MITF: variants seen among roughly 807,000 people sequenced by gnomAD.
MITF encodes microphthalmia-associated transcription factor.
In MITF, 17 loss-of-function variants were observed where a neutral mutation model predicts 60.5. The ratio of observed to expected loss-of-function variants is 0.28; its 90% CI spans 0.19 to 0.42. The LOEUF (loss-of-function observed/expected upper bound fraction) is 0.42. Among genes scored for constraint, MITF ranks in the 10% least tolerant of loss-of-function variants. The pLI is 1.00. For synonymous variants in MITF, 260 were observed against 248.5 expected, an observed-to-expected ratio of 1.05 and a Z score of -0.43; for missense variants, 622 against 683.5, an observed-to-expected ratio of 0.91 and a Z score of 1.00.
At chr3:69,805,086 C>T in intron 1 of MITF, among the ~76,000 whole-genome samples, 1 of 152,166 alleles carries the variant, frequency 6.6e-6, no homozygotes, top group South Asian at 2.1e-4. Context: ...AAACAAGAAC[C>T]AAGTCTACAA....
At chr3:69,917,668 A>G (rs2065366662) in intron 2 of MITF, among the ~76,000 whole-genome samples, 1 of 152,146 alleles carries the variant, frequency 6.6e-6, no homozygotes, top group African/African-American at 2.4e-5. Flanking sequence ...ACAACATGTA[A>G]AGAGTCAAGA....
At chr3:69,914,497 C>T (rs550719642) in intron 2 of MITF, among the ~76,000 whole-genome samples, 1 of 152,260 alleles carries the variant, frequency 6.6e-6, no homozygotes, top group African/African-American at 2.4e-5. Flanking sequence ...TGGGAAAACT[C>T]CCCAGGAGAT....
At chr3:69,938,412 A>G (rs985845753) in intron 3 of MITF, 3 of 1,552,128 alleles carry the variant, frequency 1.9e-6, no homozygotes, top group African/African-American at 2.7e-5. Flanking sequence ...AAAAGCAAAA[A>G]TAGAAGAGGT....
intron 1 of MITF, among the ~76,000 whole-genome samples, chr3:69,824,372 C>T (rs2063322842): frequency 6.6e-6 from 1 of 152,124 alleles, no homozygotes; most frequent in African/African-American, 2.4e-5. Context: ...GTGTTGGATT[C>T]TTAGAACTTA....
chr3:69,939,412 A>G (rs532658452), intron 4 of MITF, among the ~76,000 whole-genome samples: 1 of 152,038 alleles, frequency 6.6e-6, no homozygotes, highest in Non-Finnish European at 1.5e-5. Flanking sequence ...CAAAGATTAA[A>G]AACTTCTTAA....
At chr3:69,780,000 G>T (rs1024332272) in intron 1 of MITF, among the ~76,000 whole-genome samples, 3 of 152,182 alleles carry the variant, frequency 2.0e-5, no homozygotes, top group African/African-American at 7.2e-5. Context: ...CATAACAATA[G>T]GATTGGGAAG....
chr3:69,807,768 T>G (rs1019835173), intron 1 of MITF, among the ~76,000 whole-genome samples: 1 of 152,164 alleles, frequency 6.6e-6, no homozygotes, highest in African/African-American at 2.4e-5. Flanking sequence ...CAATGACCCA[T>G]TTTGGAGTAA....
At position 69,964,837 on chromosome 3, in the gene MITF, C is replaced by G. The variant is rs778136048; in HGVS notation, c.1180-10C>G. 3.7e-6 allele frequency: 6 copies of G among 1,613,868 alleles called. No individual in the cohort carries two copies. The Admixed American group carries it at 6.7e-5, about 18-fold the overall frequency. ...CCTATTTCAGTGTTTTATCTTTACT[C>G]TTATTATAGGAACTTGAAATGCAGG... On this transcript the variant is annotated splice_polypyrimidine_tract_variant and intron_variant, in intron 9 of 9. Coordinates refer to ENST00000352241, the MANE Select transcript of MITF (RefSeq NM_001354604.2).
intron 1 of MITF, among the ~76,000 whole-genome samples, chr3:69,875,270 G>A (rs1370405458): frequency 6.6e-6 from 1 of 152,174 alleles, no homozygotes; most frequent in Non-Finnish European, 1.5e-5. Context: ...GCCAGTAAAG[G>A]CATTTGTCTC....
intron 1 of MITF, among the ~76,000 whole-genome samples, chr3:69,814,852 G>C (rs1411197588): frequency 6.6e-6 from 1 of 152,142 alleles, no homozygotes; most frequent in Non-Finnish European, 1.5e-5. Context: ...AGCCAGGAAA[G>C]CTCACTGGCA....
chr3:69,801,891 A>G (rs997989376), intron 1 of MITF, among the ~76,000 whole-genome samples: 3 of 152,046 alleles, frequency 2.0e-5, no homozygotes, highest in African/African-American at 4.8e-5. Flanking sequence ...ACTGCAATCT[A>G]TATGATTGTA....
chr3:69,876,896 C>T (rs984355140), intron 1 of MITF, among the ~76,000 whole-genome samples: 11 of 152,036 alleles, frequency 7.2e-5, no homozygotes, highest in Non-Finnish European at 1.5e-4. Flanking sequence ...TATATTCTGC[C>T]ATTGAAAAAA....
intron 1 of MITF, among the ~76,000 whole-genome samples, chr3:69,802,404 C>G (rs1289704210): frequency 2.6e-5 from 4 of 152,168 alleles, no homozygotes; most frequent in South Asian, 4.1e-4. Context: ...GATGTTCTCC[C>G]TGAAGCTATT....
At chr3:69,787,026 A>G (rs1255348116) in intron 1 of MITF, among the ~76,000 whole-genome samples, 4 of 152,128 alleles carry the variant, frequency 2.6e-5, no homozygotes, top group Admixed American at 2.6e-4. Context: ...TGATGATAAG[A>G]TGTCTGCCAA....
At chr3:69,845,442 C>CTTTTTTTTTT (rs751773040) in intron 1 of MITF, among the ~76,000 whole-genome samples, 1 of 136,808 alleles carries the variant, frequency 7.3e-6, no homozygotes, top group Non-Finnish European at 1.5e-5. Context: ...TTTTTTCTTT[C>CTTTTTTTTTT]TTTTTTTTTT....
intron 2 of MITF, among the ~76,000 whole-genome samples, chr3:69,914,828 C>T (rs1412204263): frequency 6.6e-6 from 1 of 152,120 alleles, no homozygotes; most frequent in East Asian, 1.9e-4. Flanking sequence ...GACTTTTTTC[C>T]TTTAGCAGTT....
At chr3:69,932,894 G>A (rs2065753846) in intron 2 of MITF, among the ~76,000 whole-genome samples, 1 of 152,028 alleles carries the variant, frequency 6.6e-6, no homozygotes, top group African/African-American at 2.4e-5. Context: ...AAAGAATAGT[G>A]GTGTGGTGAT....
intron 2 of MITF, among the ~76,000 whole-genome samples, chr3:69,902,641 A>T (rs1278361472): frequency 6.6e-6 from 1 of 152,102 alleles, no homozygotes; most frequent in Admixed American, 6.6e-5. Flanking sequence ...TTCCTTTTTT[A>T]AAAAATTAGA....
At chr3:69,878,182 C>T (rs1185654420) in intron 1 of MITF, among the ~76,000 whole-genome samples, 2 of 152,106 alleles carry the variant, frequency 1.3e-5, no homozygotes, top group East Asian at 3.9e-4. Context: ...ACAGCTCCCA[C>T]CTTTATAAAT....
Sources: gnomAD v4.1 joint callset for allele counts (sites outside exome capture counted in the v4.1 genomes callset) on GRCh38, gnomAD v4.1.1 for gene constraint, MANE v1.5 for transcripts, NCBI Gene and HGNC (gene_info 2026-07-23, HGNC 2026-07-21) for gene names.